Variants in FBXO16 observed in about 807,000 individuals in gnomAD.
FBXO16 encodes F-box only protein 16.
A neutral mutation model predicts 41.0 loss-of-function variants in FBXO16; 31 were observed. The ratio of observed to expected loss-of-function variants is 0.76; its 90% CI spans 0.57 to 1.02. FBXO16 has a LOEUF of 1.02. Ranked by LOEUF, FBXO16 falls within the 50% of genes least tolerant of loss-of-function variation. FBXO16 has a pLI of 0.00. For missense variants in FBXO16, 361 were observed against 346.2 expected (o/e 1.04, Z -0.34); for synonymous variants, 133 against 117.8 (o/e 1.13, Z -0.84).
chr8:28,436,785 A>T (rs984706524), intron 7 of FBXO16, among the ~76,000 whole-genome samples: 1 of 152,188 alleles, frequency 6.6e-6, no homozygotes, highest in African/African-American at 2.4e-5. Flanking sequence ...ACAGGGTCTC[A>T]CTGTCACCCA....
chr8:28,462,297 G>C (rs547920366), intron 4 of FBXO16, among the ~76,000 whole-genome samples: 1 of 128,614 alleles, frequency 7.8e-6, no homozygotes, highest in African/African-American at 2.9e-5. Flanking sequence ...TTTTTTTTCT[G>C]AGACGGCGTC....
chr8:28,430,161 C>T (rs978514085), intron 7 of FBXO16, among the ~76,000 whole-genome samples: 9 of 152,190 alleles, frequency 5.9e-5, no homozygotes, highest in African/African-American at 2.2e-4. Context: ...CAGCCTTGAC[C>T]TCCTGGGTTC....
intron 5 of FBXO16, 163 bp downstream of exon 5, chr8:28,456,603 G>T: frequency 1.2e-6 from 1 of 832,612 alleles, no homozygotes; most frequent in Non-Finnish European, 1.8e-6. Context: ...TGAATGTCTT[G>T]AAAACAACTA....
chr8:28,439,559 G>A (rs777713582), intron 7 of FBXO16, among the ~76,000 whole-genome samples: 4 of 152,016 alleles, frequency 2.6e-5, no homozygotes, highest in Admixed American at 6.6e-5. Context: ...GCAAAATAGC[G>A]AGACCCTGTC....
chr8:28,479,398 C>A (rs1042972544), intron 2 of FBXO16, among the ~76,000 whole-genome samples: 1 of 152,188 alleles, frequency 6.6e-6, no homozygotes, highest in Non-Finnish European at 1.5e-5. Context: ...CTCTAAAAAT[C>A]GAATTGCAAG....
intron 1 of FBXO16, among the ~76,000 whole-genome samples, chr8:28,489,175 CA>C (rs1803648337): frequency 6.7e-6 from 1 of 149,884 alleles, no homozygotes; most frequent in Admixed American, 6.6e-5. Context: ...CTACCAAAAA[CA>C]AAACAAAAGC....
chr8:28,454,500 G>T (rs938200166), intron 5 of FBXO16, among the ~76,000 whole-genome samples: 1 of 151,584 alleles, frequency 6.6e-6, no homozygotes, highest in Non-Finnish European at 1.5e-5. Context: ...AGGCCGAGGC[G>T]GGCGGATCAC....
chr8:28,446,784 T>C (rs1166798918), intron 7 of FBXO16, among the ~76,000 whole-genome samples: 1 of 151,858 alleles, frequency 6.6e-6, no homozygotes, highest in Non-Finnish European at 1.5e-5. Context: ...GGCAGGAGAA[T>C]CACTTGAACC....
intron 3 of FBXO16, among the ~76,000 whole-genome samples, chr8:28,468,626 G>A (rs888104456): frequency 2.0e-5 from 3 of 152,110 alleles, no homozygotes; most frequent in Admixed American, 1.3e-4. Context: ...TTGAGCCCAG[G>A]AGTTCAAGAC....
chr8:28,464,536 T>C (rs1213571065), intron 3 of FBXO16, among the ~76,000 whole-genome samples: 1 of 152,250 alleles, frequency 6.6e-6, no homozygotes, highest in Non-Finnish European at 1.5e-5. Context: ...GCTACTTCAC[T>C]GGAAGTCTTA....
rs950689417 is a variant in FBXO16 at position 28,474,399 on chromosome 8, AAT to A, written c.100-594_100-593del. On this transcript the variant is annotated intron_variant, in intron 2 of 8. Coordinates refer to ENST00000380254, the MANE Select transcript of FBXO16 (RefSeq NM_172366.4). ...AAAAATGAAAGAAAAGAAAAGAAAA[AAT>A]AGTTTTTTTAAAGTGAAAGAAATTT... Among the ~76,000 whole-genome samples the A allele has an allele frequency of 4.6e-5, 7 of 151,312 alleles. No individual in the cohort carries two copies. The South Asian group carries it at 1.0e-3, about 22-fold the overall frequency.
intron 2 of FBXO16, among the ~76,000 whole-genome samples, chr8:28,478,101 C>A (rs1177053762): frequency 6.6e-6 from 1 of 152,146 alleles, no homozygotes; most frequent in Admixed American, 6.6e-5. Context: ...TGTATATATA[C>A]ACACAAAGAT....
At chr8:28,463,459 T>C (rs550577236) in intron 4 of FBXO16, among the ~76,000 whole-genome samples, 153 bp downstream of exon 4, 35 of 152,194 alleles carry the variant, frequency 2.3e-4, no homozygotes, top group Non-Finnish European at 4.3e-4. Flanking sequence ...TATGAGTATA[T>C]GTGTGTCTAA....
chr8:28,433,961 T>TTTTTTTTG (rs1292898362), intron 7 of FBXO16, among the ~76,000 whole-genome samples: 1 of 148,122 alleles, frequency 6.8e-6, no homozygotes, highest in African/African-American at 2.5e-5. Flanking sequence ...CCCTGATTTT[T>TTTTTTTTG]TTTTTTTTTT....
At chr8:28,473,268 T>C (rs1338308678) in intron 3 of FBXO16, among the ~76,000 whole-genome samples, 1 of 152,214 alleles carries the variant, frequency 6.6e-6, no homozygotes, top group Non-Finnish European at 1.5e-5. Context: ...GCACCTGCCA[T>C]GCTTCTCAGG....
intron 2 of FBXO16, among the ~76,000 whole-genome samples, chr8:28,483,114 G>A (rs1370489545): frequency 6.6e-6 from 1 of 152,102 alleles, no homozygotes; most frequent in Non-Finnish European, 1.5e-5. Flanking sequence ...GGTGACAGTG[G>A]GGGAAAGAAC....
In FBXO16 at chr8:28,460,423, A is replaced by AT. The variant is rs1174276709; in HGVS notation, c.342+3188dup. Among the ~76,000 whole-genome samples, 372 of 82,474 alleles carry AT rather than the reference A, an allele frequency of 4.5e-3. 15 individuals carry two copies. Among genetic ancestry groups the AT allele is most frequent in the East Asian group, 7.0e-3 (16 of 2,278 alleles). The allele number at this position is 82,474 out of a possible 152,430, so 54.1% of individuals were successfully genotyped here. ...TAGGCACATGCGCTATACCTGGCTAATTTTTTTTTTTTTTTTTTTTTTGAG... is the reference window on the plus strand; with the variant it reads ...TAGGCACATGCGCTATACCTGGCTAATTTTTTTTTTTTTTTTTTTTTTTGAG... On this transcript the variant is annotated intron_variant, in intron 4 of 8. Coordinates refer to ENST00000380254, the MANE Select transcript of FBXO16 (RefSeq NM_172366.4).
chr8:28,487,037 C>A (rs1803613958), intron 1 of FBXO16, among the ~76,000 whole-genome samples: 1 of 152,034 alleles, frequency 6.6e-6, no homozygotes, highest in South Asian at 2.1e-4. Flanking sequence ...TGTGACTGAT[C>A]CTAGGCACAT....
chr8:28,465,420 T>G (rs936991038), intron 3 of FBXO16: 4 of 450,576 alleles, frequency 8.9e-6, no homozygotes, highest in African/African-American at 8.1e-5. Flanking sequence ...CCCAGGAATT[T>G]GAAACCAGCC....
Sources: allele counts gnomAD v4.1 joint callset (sites outside exome capture counted in the v4.1 genomes callset), GRCh38; gene constraint gnomAD v4.1.1; transcripts MANE v1.5; gene names NCBI Gene and HGNC (gene_info 2026-07-23, HGNC 2026-07-21).